Variants in MYH4 observed in about 807,000 individuals in gnomAD.
MYH4 encodes the protein myosin-4.
In MYH4, 200 loss-of-function variants were observed where a neutral mutation model predicts 229.9. The observed-to-expected ratio is 0.87, with a 90% CI of 0.78 to 0.98. MYH4 has a LOEUF of 0.98. Among genes scored for constraint, MYH4 ranks in the 50% least tolerant of loss-of-function variants. The pLI is 0.00. For missense variants in MYH4, 2,148 were observed against 2,332.6 expected (o/e 0.92, Z 1.63); for synonymous variants, 761 against 834.6 (o/e 0.91, Z 1.52).
chr17:10,453,083 T>C, intron 24 of MYH4, 69 bp downstream of exon 24: 1 of 1,604,086 alleles, frequency 6.2e-7, no homozygotes, highest in South Asian at 1.1e-5. Flanking sequence ...CTTATGACTA[T>C]CAGTGCTGGT....
rs1257219835 is a variant in MYH4, at chr17:10,448,402, T to G, written c.4650A>C (p.Glu1550Asp). Residue 1550 changes from glutamate to aspartate, a missense_variant, in exon 33 of 40, where the codon GAA (glutamate) becomes GAC (aspartate). By Grantham distance (45) the Glu-to-Asp change is conservative. Transcript: ENST00000255381. ...AAGCAAATGAAAAATGTACCTCTGC[T>G]TCCTCTAGGGAAGTCTGTAGTTCAC... Reference protein sequence around the residue: ...EKSELQTSLEEAEASLEHEEG... With the variant: ...EKSELQTSLEDAEASLEHEEG... 1 of 1,609,836 alleles carries G rather than the reference T, an allele frequency of 6.2e-7. No homozygotes were observed. The highest frequency in any genetic ancestry group is 1.7e-5 in the Admixed American group (1 of 59,084).
intron 23 of MYH4, 96 bp from the exon 24 acceptor site, chr17:10,453,424 G>A (rs2072600672): frequency 2.5e-6 from 4 of 1,590,768 alleles, no homozygotes; most frequent in African/African-American, 1.4e-5. Flanking sequence ...GTCAGCGTAA[G>A]ATGGAAAATG....
At chr17:10,462,461 A>G (rs1218875424) in intron 11 of MYH4, among the ~76,000 whole-genome samples, 3 of 152,216 alleles carry the variant, frequency 2.0e-5, no homozygotes, top group African/African-American at 7.2e-5. Flanking sequence ...TTATGTTTAC[A>G]TGTGACTGTA....
chr17:10,457,537 C>A lies in MYH4; in HGVS notation c.1780G>T (p.Ala594Ser). The A allele has an allele frequency of 1.2e-6, 2 of 1,614,110 alleles. No individual in the cohort carries two copies. Among genetic ancestry groups the A allele is most frequent in the Non-Finnish European group, 1.7e-6 (2 of 1,180,022 alleles). ...TCCTTGTTTTTGTCCAGCCAGCCGG[C>A]GATGTTGTAGTCCACGGTGCCGGCA... ...HYAGTVDYNI[A>S]GWLDKNKDPL... Residue 594 changes from alanine (A) to serine (S), a missense_variant, in exon 16 of 40, where the codon GCC (alanine) becomes TCC (serine). Coordinates refer to ENST00000255381, the MANE Select transcript of MYH4 (RefSeq NM_017533.2).
In MYH4 at chr17:10,460,276, A is replaced by G. The variant is rs1313519797; in HGVS notation, c.1193T>C (p.Leu398Pro). The change falls in exon 13 of 40, where the codon CTG becomes CCG. Residue 398 changes from leucine to proline, a missense_variant. Transcript: ENST00000255381. ...AYLTSLNSAD[L>P]LKSLCYPRVK... Reference sequence around the variant, plus strand: ...TCTGGGATAGCAGAGAGATTTGAGCAGGTCAGCAGAGTTCAGACTTGTCAG... The same window carrying G: ...TCTGGGATAGCAGAGAGATTTGAGCGGGTCAGCAGAGTTCAGACTTGTCAG... The G allele has an allele frequency of 1.2e-6, 2 of 1,613,538 alleles. No homozygotes were observed. The highest frequency in any genetic ancestry group is 1.7e-6 in the Non-Finnish European group (2 of 1,179,540).
At position 10,444,492 on chromosome 17, in the gene MYH4, C is replaced by T. The variant is rs565796206; in HGVS notation, c.5667+112G>A. 1.2e-3 allele frequency: 888 copies of T among 735,966 alleles called. 7 individuals carry two copies. The highest frequency in any genetic ancestry group is 3.6e-3 in the Middle Eastern group (9 of 2,524). 45.6% of individuals were successfully genotyped at this position (735,966 alleles called of 1,614,324 possible). ...CTCATTCTAAATATTCATGTTCATA[C>T]CTAATTATGTATTCCCAATTTAAAG... On this transcript the variant is annotated intron_variant, in intron 39 of 39. Transcript: ENST00000255381.
rs755604337 is a variant in MYH4 at position 10,452,060 on chromosome 17, G to A, written c.3619C>T (p.Leu1207Phe). Residue 1207 changes from leucine (L) to phenylalanine (F), a missense_variant, in exon 27 of 40, where the codon CTT becomes TTT. Physicochemically the swap from Leu to Phe is conservative, Grantham distance 22. Coordinates refer to ENST00000255381, the MANE Select transcript of MYH4 (RefSeq NM_017533.2). ...TGAAGGCTGTCAATCTGCTCCCCAA[G>A]CTCAGCCACACTATCTGCGTGCTTC... ...RKKHADSVAE[L>F]GEQIDSLQRV... is the part of the protein sequence containing the mutation. 1.5e-5 allele frequency: 24 copies of A among 1,613,966 alleles called. No individual in the cohort carries two copies. Among genetic ancestry groups the A allele is most frequent in the Non-Finnish European group, 2.0e-5 (24 of 1,179,968 alleles).
intron 14 of MYH4, 97 bp downstream of exon 14, chr17:10,459,855 A>G (rs2072681355): frequency 1.2e-6 from 2 of 1,601,674 alleles, no homozygotes; most frequent in East Asian, 2.2e-5. Context: ...TAGGAATTAC[A>G]TTTGTATATT....
chr17:10,452,589 A>G (rs1377523910), intron 25 of MYH4, 83 bp from the exon 26 acceptor site: 3 of 1,388,990 alleles, frequency 2.2e-6, no homozygotes, highest in Non-Finnish European at 3.0e-6. Context: ...CTTTTTTTAT[A>G]CTGCTGGTGT....
At chr17:10,456,462 T>C in intron 17 of MYH4, 23 bp downstream of exon 17, 1 of 1,564,884 alleles carries the variant, frequency 6.4e-7, no homozygotes, top group Non-Finnish European at 8.7e-7. Context: ...AGTATTTATC[T>C]GTAATTCAAG....
At position 10,455,269 on chromosome 17, in the gene MYH4, A is replaced by T. The variant is rs747312194; in HGVS notation, c.2201T>A (p.Ile734Asn). Residue 734 changes from isoleucine (I) to asparagine (N), a missense_variant, in exon 20 of 40, where the codon ATC becomes AAC. Ile to Asn is a moderately radical substitution (Grantham distance 149). Transcript: ENST00000255381. ...QRYKVLNASA[I>N]PEGQFIDSKK... ...GCTGTCAATGAACTGACCCTCTGGG[A>T]TAGCACTCGCATTTAGAACCTTGTA... is the stretch of plus-strand genomic sequence containing the variant. 7 of 1,613,944 alleles carry T rather than the reference A, an allele frequency of 4.3e-6. No homozygotes were observed. The highest frequency in any genetic ancestry group is 5.9e-6 in the Non-Finnish European group (7 of 1,179,864).
chr17:10,450,702 T>C (rs1317797894), intron 29 of MYH4, 53 bp from the exon 30 acceptor site: 1 of 1,611,348 alleles, frequency 6.2e-7, no homozygotes, highest in Non-Finnish European at 8.5e-7. Context: ...TCATTGAAAT[T>C]CTCTATGCAA....
In MYH4 at chr17:10,462,820, C is replaced by T. The variant is rs915888527; in HGVS notation, c.1008+45G>A. 12 of 1,489,768 alleles carry T rather than the reference C, an allele frequency of 8.1e-6. No individual in the cohort carries two copies. The East Asian group carries it at 2.7e-4, about 34-fold the overall frequency. 92.3% of individuals were successfully genotyped at this position (1,489,768 alleles called of 1,614,324 possible). ...CCCTAATAGAGGAGAGTGTTGTACA[C>T]TGGAAAATGAATTTACTTTTTACTA... is the stretch of plus-strand genomic sequence containing the variant. On this transcript the variant is annotated intron_variant, in intron 11 of 39. Coordinates refer to ENST00000255381, the MANE Select transcript of MYH4 (RefSeq NM_017533.2).
At chr17:10,456,611 C>A in intron 16 of MYH4, 56 bp from the exon 17 acceptor site, 4 of 1,420,314 alleles carry the variant, frequency 2.8e-6, no homozygotes, top group Admixed American at 1.7e-5. Flanking sequence ...TAAGTACTAT[C>A]CATAAACATC....
In MYH4 at chr17:10,444,862, T is replaced by C; in HGVS notation, c.5504A>G (p.Lys1835Arg). 6.2e-7 allele frequency: 1 copy of C among 1,614,160 alleles called. No homozygotes were observed. The highest frequency in any genetic ancestry group is 8.5e-7 in the Non-Finnish European group (1 of 1,180,026). The change falls in exon 38 of 40, where the codon AAG becomes AGG. Residue 1835 changes from lysine to arginine, a missense_variant. Lys to Arg is a conservative substitution (Grantham distance 26). Coordinates refer to ENST00000255381, the MANE Select transcript of MYH4 (RefSeq NM_017533.2). ...ELESEVESEQ[K>R]HNVEAVKGLR... ...ACCCTTGACAGCCTCAACATTGTGC[T>C]TCTGTTCACTTTCCACCTCACTTTC...
At position 10,444,792 on chromosome 17, in the gene MYH4, C is replaced by T. The variant is rs757811767; in HGVS notation, c.5571+3G>A. ...GCCTGGAAGATATGAAAACACTGGT[C>T]ACCTGGTAAGTGAGTTCCTTCACTC... On this transcript the variant is annotated splice_donor_region_variant and intron_variant, in intron 38 of 39. Coordinates refer to ENST00000255381, the MANE Select transcript of MYH4 (RefSeq NM_017533.2). The T allele has an allele frequency of 2.9e-5, 47 of 1,613,908 alleles. No individual in the cohort carries two copies. The East Asian group carries it at 7.1e-4, about 24-fold the overall frequency.
At chr17:10,445,443 C>A in intron 35 of MYH4, 81 bp from the exon 36 acceptor site, 1 of 1,522,048 alleles carries the variant, frequency 6.6e-7, no homozygotes, top group South Asian at 1.2e-5. Flanking sequence ...TGTACACAGG[C>A]AAAAATTATT....
chr17:10,459,902 T>A (rs1348908741), intron 14 of MYH4, 50 bp downstream of exon 14: 2 of 1,612,962 alleles, frequency 1.2e-6, no homozygotes, highest in South Asian at 2.2e-5. Context: ...TTTTGTATGC[T>A]CTAACAAGAG....
At position 10,460,441 on chromosome 17, in the gene MYH4, A is replaced by G. The variant is rs144944565; in HGVS notation, c.1148-120T>C. On this transcript the variant is annotated intron_variant, in intron 12 of 39. Transcript: ENST00000255381. ...AGTAAGATGTGCAAATGTCATTGAAACCTTTTCATTTGTTCATATTGCCTC... is the reference window on the plus strand; with the variant it reads ...AGTAAGATGTGCAAATGTCATTGAAGCCTTTTCATTTGTTCATATTGCCTC... The G allele has an allele frequency of 5.0e-4, 396 of 799,348 alleles. No individual in the cohort carries two copies. The African/African-American group carries it at 6.2e-3, about 12-fold the overall frequency. 49.5% of individuals were successfully genotyped at this position (799,348 alleles called of 1,614,324 possible).
Sources: gnomAD v4.1 joint callset for allele counts (sites outside exome capture counted in the v4.1 genomes callset) on GRCh38, gnomAD v4.1.1 for gene constraint, MANE v1.5 for transcripts, NCBI Gene and HGNC (gene_info 2026-07-23, HGNC 2026-07-21) for gene names.